The following ZNF254 variants were observed in gnomAD, a reference collection of about 807,000 sequenced individuals.
ZNF254 encodes zinc finger protein 254.
A neutral mutation model predicts 12.4 loss-of-function variants in ZNF254; 10 were observed. That is an observed-to-expected ratio of 0.80 (90% confidence interval 0.50 to 1.36). The LOEUF (loss-of-function observed/expected upper bound fraction) is 1.36. Ranked by LOEUF, ZNF254 falls within the 40% of genes most tolerant of loss-of-function variation. ZNF254 has a pLI of 0.00. For missense variants in ZNF254, 996 were observed against 763.9 expected (o/e 1.30, Z -3.58); for synonymous variants, 305 against 253.4 (o/e 1.20, Z -1.93).
chr19:24,047,845 G>A (rs1970458944), intron 2 of ZNF254, among the ~76,000 whole-genome samples: 1 of 150,276 alleles, frequency 6.7e-6, no homozygotes, highest in African/African-American at 2.4e-5. Context: ...GTGCCGCCAC[G>A]CCCAGGTAAT....
chr19:24,100,342 G>A (rs1972938851), intron 1 of ZNF254, among the ~76,000 whole-genome samples: 1 of 145,668 alleles, frequency 6.9e-6, no homozygotes, highest in African/African-American at 2.6e-5. Flanking sequence ...ACCCATCCGG[G>A]ACCTAAATCT....
At chr19:24,103,549 A>G (rs1360737088) in intron 1 of ZNF254, among the ~76,000 whole-genome samples, 2 of 152,064 alleles carry the variant, frequency 1.3e-5, no homozygotes, top group African/African-American at 2.4e-5. Flanking sequence ...GAAAGCGTCT[A>G]TTTGTTTTAA....
At chr19:24,093,143 G>T (rs1479040709) in intron 1 of ZNF254, among the ~76,000 whole-genome samples, 1 of 151,872 alleles carries the variant, frequency 6.6e-6, no homozygotes, top group Non-Finnish European at 1.5e-5. Flanking sequence ...TTTTAGTGAG[G>T]TCTTTTTTTT....
At chr19:24,048,445 G>T (rs779223829) in intron 2 of ZNF254, among the ~76,000 whole-genome samples, 2 of 152,162 alleles carry the variant, frequency 1.3e-5, no homozygotes, top group Non-Finnish European at 2.9e-5. Flanking sequence ...GGACTTGGTC[G>T]CCAGCTTAAA....
intron 2 of ZNF254, among the ~76,000 whole-genome samples, chr19:24,064,220 G>A (rs1376208461): frequency 6.6e-6 from 1 of 152,076 alleles, no homozygotes. Flanking sequence ...TTTCCACTGG[G>A]GTTACTGGAA....
At chr19:24,097,153 T>C (rs939062354) in intron 1 of ZNF254, among the ~76,000 whole-genome samples, 4 of 152,222 alleles carry the variant, frequency 2.6e-5, no homozygotes, top group African/African-American at 9.6e-5. Context: ...GGATTGTCTT[T>C]ATCTGGGACC....
At position 24,069,374 on chromosome 19, in the gene ZNF254, C is replaced by T. The variant is rs1230152360; in HGVS notation, c.-94+23095C>T. Among the ~76,000 whole-genome samples, 11 of 148,366 alleles carry T rather than the reference C, an allele frequency of 7.4e-5. 1 individual carries two copies. The highest frequency in any genetic ancestry group is 5.4e-4 in the Admixed American group (8 of 14,690). On this transcript the variant is annotated intron_variant, in intron 2 of 4. Transcript: ENST00000613065. ...CTGTAATCCCAGCACTTTGGGAGGC[C>T]GAGGCAGGTGGATCACGAGGTCAGG...
chr19:24,093,368 G>C (rs780405047), intron 1 of ZNF254, among the ~76,000 whole-genome samples: 2 of 152,054 alleles, frequency 1.3e-5, no homozygotes, highest in Non-Finnish European at 2.9e-5. Context: ...TTCTCTGCTA[G>C]ATTCTATGTC....
At chr19:24,076,925 A>G (rs1971679706) in intron 2 of ZNF254, among the ~76,000 whole-genome samples, 1 of 152,194 alleles carries the variant, frequency 6.6e-6, no homozygotes, top group African/African-American at 2.4e-5. Context: ...CTTAAATAAG[A>G]TAGCTACACA....
At chr19:24,056,414 C>T (rs1435946653) in intron 2 of ZNF254, among the ~76,000 whole-genome samples, 1 of 152,142 alleles carries the variant, frequency 6.6e-6, no homozygotes, top group Non-Finnish European at 1.5e-5. Context: ...TGGCTCAGTA[C>T]CAACAAGTGT....
In ZNF254 at chr19:24,126,486, C is replaced by A; in HGVS notation, c.486C>A (p.Val162=). The A allele has an allele frequency of 6.3e-7, 1 of 1,587,506 alleles. No homozygotes were observed. The change falls in exon 4 of 4, where the codon GTC becomes GTA. Residue 162 remains valine, a synonymous_variant. Coordinates refer to ENST00000357002, the MANE Select transcript of ZNF254 (RefSeq NM_203282.4). ...KVFQCDKYLK[V]FYKFLNSNRP... ...TTCAATGTGATAAATATTTGAAAGT[C>A]TTCTATAAATTTTTAAATTCAAACA...
At chr19:24,120,175 C>T (rs951905649) in intron 3 of ZNF254, among the ~76,000 whole-genome samples, 1 of 152,076 alleles carries the variant, frequency 6.6e-6, no homozygotes, top group Non-Finnish European at 1.5e-5. Flanking sequence ...CCTTATAAAG[C>T]CTTCTGCTTT....
intron 2 of ZNF254, among the ~76,000 whole-genome samples, chr19:24,054,566 T>A (rs564562544): frequency 1.2e-4 from 19 of 152,304 alleles, no homozygotes; most frequent in South Asian, 8.3e-4. Context: ...TGAGATTGTT[T>A]CTTATATGCA....
intron 1 of ZNF254, chr19:24,105,501 AAAT>A (rs1327945113): frequency 4.7e-6 from 1 of 210,772 alleles, no homozygotes. Flanking sequence ...TCTCCCCAAA[AAAT>A]AATCTGCATT....
chr19:24,099,407 C>T (rs1972874856), intron 1 of ZNF254, among the ~76,000 whole-genome samples: 1 of 152,070 alleles, frequency 6.6e-6, no homozygotes, highest in South Asian at 2.1e-4. Context: ...GGCTGTATGT[C>T]AGTGGCAGGT....
At position 24,118,057 on chromosome 19, in the gene ZNF254, CTTTT is replaced by C. The variant is rs1383003980; in HGVS notation, c.254-8187_254-8184del. On this transcript the variant is annotated intron_variant, in intron 3 of 3. Coordinates refer to ENST00000357002, the MANE Select transcript of ZNF254 (RefSeq NM_203282.4). ...CACATGGGTTTCTTTTTTTTCTTTT[CTTTT>C]TTTTTTTTTGAAATGGAGTCTCCCT... Among the ~76,000 whole-genome samples the C allele has an allele frequency of 3.5e-5, 5 of 141,992 alleles. No homozygotes were observed. The South Asian group carries it at 8.9e-4, about 25-fold the overall frequency. The allele number at this position is 141,992 out of a possible 152,430, so 93.2% of individuals were successfully genotyped here.
At chr19:24,082,073 A>G (rs564066186) in intron 2 of ZNF254, among the ~76,000 whole-genome samples, 29 of 152,108 alleles carry the variant, frequency 1.9e-4, no homozygotes, top group African/African-American at 6.5e-4. Flanking sequence ...CAGTGAACCA[A>G]GATTGTGCCA....
At chr19:24,071,960 T>C (rs1466073398) in intron 2 of ZNF254, among the ~76,000 whole-genome samples, 4 of 152,306 alleles carry the variant, frequency 2.6e-5, no homozygotes, top group Non-Finnish European at 5.9e-5. Context: ...TTAAAAATTG[T>C]ATATATTGAA....
At chr19:24,076,205 GA>G (rs1473596667) in intron 2 of ZNF254, among the ~76,000 whole-genome samples, 1 of 152,218 alleles carries the variant, frequency 6.6e-6, no homozygotes, top group East Asian at 1.9e-4. Context: ...ATTGATTGGG[GA>G]AGTGATAAGT....
Sources: allele counts gnomAD v4.1 joint callset (sites outside exome capture counted in the v4.1 genomes callset), GRCh38; gene constraint gnomAD v4.1.1; transcripts MANE v1.5; gene names NCBI Gene and HGNC (gene_info 2026-07-23, HGNC 2026-07-21).